Variants in NAV2 observed in about 807,000 individuals in gnomAD.
The protein encoded by NAV2 is neuron navigator 2.
NAV2 carries 54 observed loss-of-function variants against 223.2 expected under a neutral mutation model. That is an observed-to-expected ratio of 0.24 (90% CI 0.19 to 0.30). The LOEUF (loss-of-function observed/expected upper bound fraction) is 0.30. NAV2 is among the 10% of genes least tolerant of loss of function. The pLI, the probability that NAV2 is intolerant of heterozygous loss-of-function variation, is 1.00. For missense variants in NAV2, 2,806 were observed against 3,147.5 expected (o/e 0.89, Z 2.60); for synonymous variants, 1,279 against 1,239.3 (o/e 1.03, Z -0.67).
At chr11:19,674,820 G>A (rs2048671035) in intron 1 of NAV2, among the ~76,000 whole-genome samples, 1 of 152,170 alleles carries the variant, frequency 6.6e-6, no homozygotes, top group South Asian at 2.1e-4. Flanking sequence ...ACAGTAAGAG[G>A]CAGTAGCTAT....
intron 11 of NAV2, among the ~76,000 whole-genome samples, chr11:20,028,573 C>T (rs934775562): frequency 3.9e-5 from 6 of 152,180 alleles, no homozygotes; most frequent in Admixed American, 3.3e-4. Flanking sequence ...TCTGTATGTA[C>T]TATAGCTGTG....
intron 1 of NAV2, among the ~76,000 whole-genome samples, chr11:19,404,944 C>T (rs967176517): frequency 6.6e-6 from 1 of 152,132 alleles, no homozygotes; most frequent in Non-Finnish European, 1.5e-5. Flanking sequence ...GGCTGGTTGC[C>T]TTCCCTCCTC....
chr11:20,027,548 T>A (rs1301722670), intron 11 of NAV2: 1 of 810,672 alleles, frequency 1.2e-6, no homozygotes, highest in Non-Finnish European at 1.5e-6. Context: ...GGGCGGGGGC[T>A]GGCCCAGACT....
At chr11:19,690,032 G>A (rs995006278) in intron 1 of NAV2, among the ~76,000 whole-genome samples, 2 of 152,272 alleles carry the variant, frequency 1.3e-5, no homozygotes, top group African/African-American at 2.4e-5. Flanking sequence ...GTGCAATGGC[G>A]TGATCTAGGC....
chr11:19,827,308 C>T lies in NAV2; in HGVS notation c.268-5176C>T, dbSNP rs538548372. ...GAGGTTTTGTGGGCCACAGGTCACT[C>T]GGTCACAACTGCTCGGCTTTGCTTT... On this transcript the variant is annotated intron_variant, in intron 1 of 37. Coordinates refer to ENST00000349880, the MANE Select transcript of NAV2 (RefSeq NM_145117.5). Among the ~76,000 whole-genome samples the T allele has an allele frequency of 1.1e-4, 17 of 152,268 alleles. No individual in the cohort carries two copies. The East Asian group carries it at 2.1e-3, about 19-fold the overall frequency.
At chr11:19,720,633 C>T (rs1055382171) in intron 1 of NAV2, among the ~76,000 whole-genome samples, 4 of 152,222 alleles carry the variant, frequency 2.6e-5, no homozygotes, top group African/African-American at 7.2e-5. Context: ...ATTAGCTACT[C>T]ATGGCAATGT....
intron 1 of NAV2, among the ~76,000 whole-genome samples, chr11:19,815,687 G>C (rs983138611): frequency 6.6e-6 from 1 of 152,206 alleles, no homozygotes; most frequent in African/African-American, 2.4e-5. Flanking sequence ...ACTGGACTGA[G>C]TTGGAATACC....
intron 1 of NAV2, among the ~76,000 whole-genome samples, chr11:19,446,158 C>T (rs1182350975): frequency 6.6e-6 from 1 of 152,154 alleles, no homozygotes; most frequent in African/African-American, 2.4e-5. Context: ...TTATCTAGCT[C>T]TACATTCACC....
intron 32 of NAV2, among the ~76,000 whole-genome samples, chr11:20,102,749 T>C (rs1039644314): frequency 6.6e-6 from 1 of 152,124 alleles, no homozygotes; most frequent in African/African-American, 2.4e-5. Flanking sequence ...TGTGTTCTAG[T>C]CCCTGTTGAG....
chr11:19,607,024 C>T (rs1269881806), intron 1 of NAV2, among the ~76,000 whole-genome samples: 2 of 152,214 alleles, frequency 1.3e-5, no homozygotes, highest in African/African-American at 4.8e-5. Flanking sequence ...TGGGCCAGCT[C>T]CCAGGCCAGG....
At chr11:19,965,082 G>A (rs1463743393) in intron 10 of NAV2, among the ~76,000 whole-genome samples, 1 of 152,044 alleles carries the variant, frequency 6.6e-6, no homozygotes, top group Admixed American at 6.5e-5. Flanking sequence ...GCCTCCCAAA[G>A]TGCTGGGATT....
At chr11:19,985,474 A>AT (rs781459927) in intron 11 of NAV2, among the ~76,000 whole-genome samples, 1 of 152,064 alleles carries the variant, frequency 6.6e-6, no homozygotes, top group African/African-American at 2.4e-5. Context: ...CTCAAGTCAG[A>AT]TTTTTTCCTG....
At chr11:19,587,364 CAGTG>C (rs1368052043) in intron 1 of NAV2, among the ~76,000 whole-genome samples, 1 of 152,188 alleles carries the variant, frequency 6.6e-6, no homozygotes, top group African/African-American at 2.4e-5. Flanking sequence ...AGCTCACGCT[CAGTG>C]AGCTGCCCCA....
At chr11:19,383,300 C>T (rs551539310) in intron 1 of NAV2, among the ~76,000 whole-genome samples, 1 of 152,220 alleles carries the variant, frequency 6.6e-6, no homozygotes, top group Non-Finnish European at 1.5e-5. Flanking sequence ...CAAATAACCT[C>T]ATGATACCAG....
At chr11:19,994,461 C>T (rs1363730693) in intron 11 of NAV2, among the ~76,000 whole-genome samples, 1 of 151,616 alleles carries the variant, frequency 6.6e-6, no homozygotes, top group Non-Finnish European at 1.5e-5. Flanking sequence ...ACAGGAGAAT[C>T]GCTTGAACCG....
intron 1 of NAV2, among the ~76,000 whole-genome samples, chr11:19,588,082 T>C (rs76424195): frequency 0.015 from 2,312 of 152,320 alleles, 53 homozygotes; most frequent in African/African-American, 0.042. Context: ...AATGAATGAA[T>C]GATTATCCTA....
At chr11:19,741,014 C>G (rs910373188) in intron 1 of NAV2, among the ~76,000 whole-genome samples, 1 of 152,190 alleles carries the variant, frequency 6.6e-6, no homozygotes, top group Non-Finnish European at 1.5e-5. Flanking sequence ...GAGATTGTAG[C>G]AAGAGATCAA....
intron 1 of NAV2, among the ~76,000 whole-genome samples, chr11:19,443,484 C>T (rs1236163012): frequency 6.6e-6 from 1 of 152,216 alleles, no homozygotes; most frequent in Non-Finnish European, 1.5e-5. Flanking sequence ...TGCAGAAAGT[C>T]CCACATGCTG....
At position 19,495,724 on chromosome 11, in the gene NAV2, A is replaced by G. The variant is rs147618243; in HGVS notation, c.75+144697A>G. ...AAAAAAATTACATATATCTAACTTT[A>G]TATTGCATGTAAATATACATATTTT... On this transcript the variant is annotated intron_variant, in intron 1 of 37. Transcript: ENST00000360655. Among the ~76,000 whole-genome samples, 759 of 152,244 alleles carry G rather than the reference A, an allele frequency of 5.0e-3. 8 individuals are homozygous for G. The highest frequency in any genetic ancestry group is 0.017 in the African/African-American group (715 of 41,532).
Sources: gnomAD v4.1 joint callset for allele counts (sites outside exome capture counted in the v4.1 genomes callset) on GRCh38, gnomAD v4.1.1 for gene constraint, MANE v1.5 for transcripts, NCBI Gene and HGNC (gene_info 2026-07-23, HGNC 2026-07-21) for gene names.